The following SPTLC1 variants were observed in gnomAD, a reference collection of about 807,000 sequenced individuals.
SPTLC1 encodes serine palmitoyltransferase long chain base subunit 1, also known as serine palmitoyltransferase 1.
Under a neutral mutation model 68.9 loss-of-function variants are expected in SPTLC1, and 55 were observed. That is an observed-to-expected ratio of 0.80 (90% CI 0.64 to 1.00). The LOEUF (loss-of-function observed/expected upper bound fraction) is 1.00. Ranked by LOEUF, SPTLC1 falls within the 50% of genes least tolerant of loss-of-function variation. SPTLC1 has a pLI of 0.00. For missense variants in SPTLC1, 449 were observed against 573.1 expected, an observed-to-expected ratio of 0.78 and a Z score of 2.21; for synonymous variants, 197 against 201.6, an observed-to-expected ratio of 0.98 and a Z score of 0.19.
chr9:92,035,894 G>C (rs750516624), intron 13 of SPTLC1, among the ~76,000 whole-genome samples: 1 of 152,210 alleles, frequency 6.6e-6, no homozygotes, highest in South Asian at 2.1e-4. Context: ...GACTGGCTCT[G>C]TTTCTAGCCC....
chr9:92,059,872 G>A (rs893106353), intron 6 of SPTLC1, among the ~76,000 whole-genome samples: 3 of 152,024 alleles, frequency 2.0e-5, no homozygotes, highest in Non-Finnish European at 4.4e-5. Flanking sequence ...ACACCTCCTA[G>A]GGTGTTGTCA....
At position 92,031,533 on chromosome 9, in the gene SPTLC1, T is replaced by C. The variant is rs775237786; in HGVS notation, c.*932A>G. ...AGTGCTTTCACATCTTTTGTAGATA[T>C]CTGGAATTTGTAAGATGAAAAGAAA... On this transcript the variant is annotated 3_prime_UTR_variant, in exon 15 of 15. Coordinates refer to ENST00000262554, the MANE Select transcript of SPTLC1 (RefSeq NM_006415.4). 2.0e-5 allele frequency: 3 copies of C among 152,210 alleles called. No individual in the cohort carries two copies. Among genetic ancestry groups the C allele is most frequent in the Non-Finnish European group, 4.4e-5 (3 of 68,016 alleles). The allele number at this position is 152,210 out of a possible 1,614,324, so 9.4% of individuals were successfully genotyped here.
intron 3 of SPTLC1, chr9:92,104,883 A>C (rs1284180860): frequency 6.5e-7 from 1 of 1,533,810 alleles, no homozygotes; most frequent in Non-Finnish European, 8.7e-7. Context: ...GCCCAGGTGC[A>C]TGCAGTGAGT....
chr9:92,054,462 G>C (rs1425857449), intron 8 of SPTLC1, among the ~76,000 whole-genome samples: 1 of 152,150 alleles, frequency 6.6e-6, no homozygotes, highest in East Asian at 1.9e-4. Context: ...TTTCTTTCTG[G>C]ATAAACATTG....
intron 3 of SPTLC1, among the ~76,000 whole-genome samples, chr9:92,094,571 T>A (rs1011424339): frequency 1.2e-4 from 19 of 152,230 alleles, no homozygotes; most frequent in African/African-American, 4.3e-4. Flanking sequence ...CTTACCAGCA[T>A]GCTCCACTAT....
At chr9:92,067,820 T>TG in intron 6 of SPTLC1, 146 bp downstream of exon 6, 9 of 896,614 alleles carry the variant, frequency 1.0e-5, no homozygotes, top group Non-Finnish European at 1.5e-5. Flanking sequence ...TTCACAAATT[T>TG]TGAAACCTTT....
intron 5 of SPTLC1, chr9:92,069,994 G>A (rs890472915): frequency 2.0e-5 from 3 of 152,176 alleles, no homozygotes; most frequent in Admixed American, 1.3e-4. Flanking sequence ...CAGGACTTTA[G>A]AGTGAGTTAC....
chr9:92,072,062 T>C (rs1834511707), intron 5 of SPTLC1, among the ~76,000 whole-genome samples: 1 of 152,142 alleles, frequency 6.6e-6, no homozygotes. Context: ...TGCACGCGAG[T>C]GAATAAACAG....
rs543162841 is a variant in SPTLC1, at chr9:92,072,957, C to G, written c.428-4859G>C. Among the ~76,000 whole-genome samples the G allele has an allele frequency of 8.6e-5, 13 of 151,996 alleles. 1 individual carries two copies. The highest frequency in any genetic ancestry group is 1.8e-4 in the Non-Finnish European group (12 of 67,966). The stretch of plus-strand genomic sequence containing the variant: ...GTTAACCCCTTCAATCTTTCTCCCC[C>G]CAACCCACCTATCCGAACCTGGCCC... On this transcript the variant is annotated intron_variant, in intron 5 of 14. Transcript: ENST00000262554.
intron 5 of SPTLC1, among the ~76,000 whole-genome samples, chr9:92,070,837 G>A (rs186401870): frequency 1.3e-5 from 2 of 152,212 alleles, no homozygotes; most frequent in Admixed American, 1.3e-4. Context: ...AAAAGAAAAG[G>A]TTTTATTTTA....
intron 3 of SPTLC1, among the ~76,000 whole-genome samples, chr9:92,084,385 A>G (rs1407920301): frequency 6.6e-6 from 1 of 152,188 alleles, no homozygotes; most frequent in African/African-American, 2.4e-5. Context: ...GGTCTGTCAT[A>G]GATAGCTCTT....
chr9:92,070,323 G>A (rs1194276815), intron 5 of SPTLC1: 1 of 152,190 alleles, frequency 6.6e-6, no homozygotes, highest in African/African-American at 2.4e-5. Context: ...CAGCAAGCAG[G>A]AAAACTACAA....
chr9:92,055,538 G>A (rs756088958), intron 7 of SPTLC1, 44 bp from the exon 8 acceptor site: 1 of 1,590,264 alleles, frequency 6.3e-7, no homozygotes, highest in Non-Finnish European at 8.6e-7. Context: ...CAGTAACTCT[G>A]AAGACAAGAT....
At chr9:92,043,640 C>A (rs1461321721) in intron 12 of SPTLC1, among the ~76,000 whole-genome samples, 16 of 152,218 alleles carry the variant, frequency 1.1e-4, no homozygotes, top group Non-Finnish European at 1.5e-5. Flanking sequence ...AGTGTGCTCT[C>A]CCTTCAGAAG....
intron 8 of SPTLC1, among the ~76,000 whole-genome samples, chr9:92,052,468 A>C (rs534800705): frequency 6.6e-6 from 1 of 152,272 alleles, no homozygotes; most frequent in East Asian, 1.9e-4. Flanking sequence ...GAAAACTATA[A>C]ACTCTTAGGG....
In SPTLC1 at chr9:92,051,248, T is replaced by TG. The variant is rs571685337; in HGVS notation, c.781-1182dup. On this transcript the variant is annotated intron_variant, in intron 8 of 14. Transcript: ENST00000262554. ...AAAACAACATATGGAACCCTTATTT[T>TG]GAATCCTTATTCAATTAATAGACTC... 1.4e-4 allele frequency: 137 copies of TG among 984,754 alleles called. No homozygotes were observed. In the African/African-American group the frequency reaches 2.1e-3, roughly 15 times the overall value. The allele number at this position is 984,754 out of a possible 1,614,324, so 61.0% of individuals were successfully genotyped here.
chr9:92,080,050 C>A lies in SPTLC1; in HGVS notation c.393G>T (p.Gly131=), dbSNP rs759028183. 1.4e-5 allele frequency: 23 copies of A among 1,614,046 alleles called. No homozygotes were observed. In the East Asian group the frequency reaches 4.7e-4, roughly 33 times the overall value. The change falls in exon 5 of 15, where the codon GGG becomes GGT. Residue 131 remains glycine (G), a synonymous_variant. Transcript: ENST00000262554. ...CATAAAATCCTCTGGGTCCACAAGT[C>A]CCCACGCCATACTTCTTTAGAGATG... ...ALASLKKYGV[G]TCGPRGFYGT...
At chr9:92,106,697 A>T (rs1564119250) in intron 3 of SPTLC1, among the ~76,000 whole-genome samples, 1 of 151,792 alleles carries the variant, frequency 6.6e-6, no homozygotes, top group African/African-American at 2.4e-5. Context: ...TGATATCCAT[A>T]ATTCCTAACT....
At chr9:92,112,602 ACTT>A in intron 1 of SPTLC1, 40 bp from the exon 2 acceptor site, 1 of 1,296,940 alleles carries the variant, frequency 7.7e-7, no homozygotes, top group Non-Finnish European at 1.1e-6. Context: ...TGAAACATAC[ACTT>A]CTAACACCTG....
Sources: gnomAD v4.1 joint callset for allele counts (sites outside exome capture counted in the v4.1 genomes callset) on GRCh38, gnomAD v4.1.1 for gene constraint, MANE v1.5 for transcripts, NCBI Gene and HGNC (gene_info 2026-07-23, HGNC 2026-07-21) for gene names.